PLCB1: variants seen among roughly 807,000 people sequenced by gnomAD.
PLCB1 encodes the protein phospholipase C beta 1.
In PLCB1, 46 loss-of-function variants were observed where a neutral mutation model predicts 161.8. The ratio of observed to expected loss-of-function variants is 0.28; its 90% CI spans 0.22 to 0.36. The LOEUF (loss-of-function observed/expected upper bound fraction) is 0.36, where lower values mean the gene tolerates loss of function less well. Among genes scored for constraint, PLCB1 ranks in the 10% least tolerant of loss-of-function variants. PLCB1 has a pLI of 1.00. For missense variants in PLCB1, 1,016 were observed against 1,472.5 expected (o/e 0.69, Z 5.07); for synonymous variants, 517 against 503.7 (o/e 1.03, Z -0.35).
At chr20:8,510,378 T>C (rs1037472734) in intron 3 of PLCB1, among the ~76,000 whole-genome samples, 1 of 129,276 alleles carries the variant, frequency 7.7e-6, no homozygotes, top group African/African-American at 2.8e-5. Flanking sequence ...TTTTCTTTTC[T>C]TTTTCTTTTT....
At chr20:8,186,424 G>A (rs1054180132) in intron 2 of PLCB1, among the ~76,000 whole-genome samples, 1 of 152,098 alleles carries the variant, frequency 6.6e-6, no homozygotes, top group African/African-American at 2.4e-5. Flanking sequence ...TATTGTTTAG[G>A]TTATGAATTG....
intron 18 of PLCB1, among the ~76,000 whole-genome samples, chr20:8,732,754 A>ATAT (rs1405316879): frequency 1.6e-4 from 23 of 139,962 alleles, no homozygotes; most frequent in East Asian, 8.0e-4. Flanking sequence ...TATATTTAAT[A>ATAT]CATTAGATAT....
At chr20:8,693,155 T>C (rs73080018) in intron 10 of PLCB1, among the ~76,000 whole-genome samples, 11,504 of 152,216 alleles carry the variant, frequency 0.076, 527 homozygotes, top group African/African-American at 0.12. Context: ...ATGTCTCATA[T>C]CACTTTCATA....
chr20:8,744,145 G>GT lies in PLCB1; in HGVS notation c.2523+2573dup, dbSNP rs540014874. Among the ~76,000 whole-genome samples the GT allele has an allele frequency of 1.2e-3, 175 of 151,674 alleles. 1 individual carries two copies. Among genetic ancestry groups the GT allele is most frequent in the African/African-American group, 4.1e-3 (168 of 41,338 alleles). ...ACACCTATATGACAAACCCTCATGT[G>GT]TACCCCTGAACCTAAAATAAAAGCT... On this transcript the variant is annotated intron_variant, in intron 23 of 31. Coordinates refer to ENST00000338037, the MANE Select transcript of PLCB1 (RefSeq NM_015192.4).
At chr20:8,213,722 A>C (rs1978957963) in intron 2 of PLCB1, among the ~76,000 whole-genome samples, 1 of 151,688 alleles carries the variant, frequency 6.6e-6, no homozygotes, top group African/African-American at 2.4e-5. Flanking sequence ...CATAAGAGTA[A>C]CATGATTAAG....
chr20:8,640,633 T>C (rs905893816), intron 4 of PLCB1, among the ~76,000 whole-genome samples: 6 of 152,050 alleles, frequency 3.9e-5, no homozygotes, highest in African/African-American at 1.5e-4. Flanking sequence ...AAATGAAACT[T>C]TGGGGGTTCT....
intron 3 of PLCB1, among the ~76,000 whole-genome samples, chr20:8,503,031 G>T (rs1047593421): frequency 2.0e-5 from 3 of 152,146 alleles, no homozygotes; most frequent in South Asian, 2.1e-4. Flanking sequence ...CCAGCTATGT[G>T]CAGGGACATT....
intron 31 of PLCB1, among the ~76,000 whole-genome samples, chr20:8,870,228 T>C (rs979534391): frequency 6.6e-6 from 1 of 152,200 alleles, no homozygotes; most frequent in Non-Finnish European, 1.5e-5. Flanking sequence ...TAGCCAGCCA[T>C]ATCCTTGAGA....
intron 3 of PLCB1, among the ~76,000 whole-genome samples, chr20:8,603,068 C>T (rs1987641564): frequency 6.6e-6 from 1 of 151,934 alleles, no homozygotes. Context: ...TGAAGGACAC[C>T]GAAACACAGA....
chr20:8,867,372 C>T (rs1012787082), intron 31 of PLCB1, among the ~76,000 whole-genome samples: 2 of 152,194 alleles, frequency 1.3e-5, no homozygotes, highest in Admixed American at 1.3e-4. Context: ...TTGCTTGCAC[C>T]GTCTGCACTA....
chr20:8,189,211 G>T (rs965605005), intron 2 of PLCB1, among the ~76,000 whole-genome samples: 1 of 151,408 alleles, frequency 6.6e-6, no homozygotes, highest in Non-Finnish European at 1.5e-5. Flanking sequence ...TATTGTGTTC[G>T]AGATTTTTGC....
intron 3 of PLCB1, among the ~76,000 whole-genome samples, chr20:8,553,001 A>G (rs1264629362): frequency 2.0e-5 from 3 of 152,280 alleles, no homozygotes; most frequent in African/African-American, 7.2e-5. Flanking sequence ...CCTGAGCTGT[A>G]TCTTTGATAT....
At chr20:8,541,387 T>G (rs1398052472) in intron 3 of PLCB1, among the ~76,000 whole-genome samples, 1 of 152,082 alleles carries the variant, frequency 6.6e-6, no homozygotes, top group Non-Finnish European at 1.5e-5. Context: ...TCGAGATAAC[T>G]TGCAAAGAGG....
At chr20:8,380,696 C>A (rs1987228446) in intron 3 of PLCB1, among the ~76,000 whole-genome samples, 1 of 152,060 alleles carries the variant, frequency 6.6e-6, no homozygotes, top group South Asian at 2.1e-4. Context: ...ATTTTATGCT[C>A]TTTGTAGCAG....
intron 11 of PLCB1, among the ~76,000 whole-genome samples, chr20:8,699,159 C>T (rs937898883): frequency 6.6e-6 from 1 of 152,196 alleles, no homozygotes; most frequent in African/African-American, 2.4e-5. Flanking sequence ...AGAGGACAAC[C>T]TCTCGCACTA....
intron 2 of PLCB1, among the ~76,000 whole-genome samples, chr20:8,321,548 C>G (rs1292960194): frequency 6.6e-6 from 1 of 152,132 alleles, no homozygotes; most frequent in Non-Finnish European, 1.5e-5. Flanking sequence ...GGGATGGGAA[C>G]AGTAGGATTC....
rs192930568 is a variant in PLCB1, at chr20:8,162,353, T to C, written c.177+11982T>C. Among the ~76,000 whole-genome samples the C allele has an allele frequency of 3.0e-3, 456 of 152,310 alleles. 7 individuals carry two copies. Among genetic ancestry groups the C allele is most frequent in the Non-Finnish European group, 2.5e-3 (170 of 68,026 alleles). On this transcript the variant is annotated intron_variant, in intron 2 of 31. Coordinates refer to ENST00000338037, the MANE Select transcript of PLCB1 (RefSeq NM_015192.4). ...AATGACCTTATATAACTATTTTATT[T>C]TATAGCTAATTTTTCATTTCTGGGA...
chr20:8,473,259 T>G (rs1490142580), intron 3 of PLCB1, among the ~76,000 whole-genome samples: 2 of 151,998 alleles, frequency 1.3e-5, no homozygotes, highest in African/African-American at 4.8e-5. Flanking sequence ...TTGAAATTAA[T>G]CTGACTAATG....
chr20:8,427,424 A>C (rs552329431), intron 3 of PLCB1, among the ~76,000 whole-genome samples: 11 of 152,186 alleles, frequency 7.2e-5, no homozygotes, highest in African/African-American at 2.6e-4. Flanking sequence ...AAATACAGAC[A>C]TCAGCTGGAA....
Sources: allele counts gnomAD v4.1 joint callset (sites outside exome capture counted in the v4.1 genomes callset), GRCh38; gene constraint gnomAD v4.1.1; transcripts MANE v1.5; gene names NCBI Gene and HGNC (gene_info 2026-07-23, HGNC 2026-07-21).